Variants in ENTPD1 observed in about 807,000 individuals in gnomAD.
ENTPD1 encodes ATP diphosphohydrolase.
ENTPD1 carries 33 observed loss-of-function variants against 57.0 expected under a neutral mutation model. That is an observed-to-expected ratio of 0.58 (90% CI 0.44 to 0.77). The LOEUF (loss-of-function observed/expected upper bound fraction) is 0.77, where lower values mean the gene tolerates loss of function less well. ENTPD1 is among the 30% of genes least tolerant of loss of function. The pLI is 0.00. For synonymous variants in ENTPD1, 202 were observed against 218.8 expected, an observed-to-expected ratio of 0.92 and a Z score of 0.68; for missense variants, 501 against 603.4, an observed-to-expected ratio of 0.83 and a Z score of 1.78.
chr10:95,703,784 A>T, the ENTPD1 span, among the ~76,000 whole-genome samples: 8 of 6,830 alleles, frequency 1.2e-3, no homozygotes, highest in Non-Finnish European at 3.8e-3. Context: ...TCTGTCTCAA[A>T]AAAAAAAAAA....
intron 2 of ENTPD1, among the ~76,000 whole-genome samples, chr10:95,828,273 C>T (rs989260161): frequency 4.6e-5 from 7 of 152,180 alleles, no homozygotes; most frequent in African/African-American, 1.7e-4. Context: ...TTGCGTGCTC[C>T]TTGTGAGAAT....
chr10:95,858,008 A>C (rs759039466), intron 7 of ENTPD1, among the ~76,000 whole-genome samples: 3 of 152,052 alleles, frequency 2.0e-5, no homozygotes, highest in Non-Finnish European at 4.4e-5. Context: ...AAAAATACAA[A>C]TTAGCCGGGC....
At chr10:95,827,331 T>C (rs548263684) in intron 2 of ENTPD1, among the ~76,000 whole-genome samples, 2 of 152,080 alleles carry the variant, frequency 1.3e-5, no homozygotes, top group South Asian at 2.1e-4. Context: ...GGTAGGCACC[T>C]ATAGTCCCAA....
At chr10:95,710,434 T>G (rs2097964607), upstream of ENTPD1, among the ~76,000 whole-genome samples, 1 of 152,140 alleles carries the variant, frequency 6.6e-6, no homozygotes, top group Admixed American at 6.5e-5. Flanking sequence ...TACTCATGAT[T>G]AAAATAACTA....
At chr10:95,724,720 C>T (rs943227337) in intron 1 of ENTPD1, among the ~76,000 whole-genome samples, 1 of 152,184 alleles carries the variant, frequency 6.6e-6, no homozygotes, top group Non-Finnish European at 1.5e-5. Flanking sequence ...AGTGATGGGT[C>T]TGCGACGGTG....
At chr10:95,858,193 G>A (rs908821631) in intron 7 of ENTPD1, among the ~76,000 whole-genome samples, 1 of 151,456 alleles carries the variant, frequency 6.6e-6, no homozygotes, top group African/African-American at 2.4e-5. Flanking sequence ...GGAGGAAAGA[G>A]ACAGTCCTGT....
Position 95,844,909 on chromosome 10 carries a change from A to C in ENTPD1, c.573+274A>C, listed in dbSNP as rs911725144. 3.5e-5 allele frequency: 18 copies of C among 518,810 alleles called. No individual in the cohort carries two copies. The Admixed American group carries it at 5.4e-4, about 15-fold the overall frequency. 32.1% of individuals were successfully genotyped at this position (518,810 alleles called of 1,614,324 possible). On this transcript the variant is annotated intron_variant, in intron 5 of 9. Coordinates refer to ENST00000371205, the MANE Select transcript of ENTPD1 (RefSeq NM_001776.6). ...AAAATTTATCATTAAAAATTAGAAT[A>C]GCTAACATTTGCCTTCTGCTATGTG...
At chr10:95,853,737 T>C (rs1320834973) in intron 7 of ENTPD1, among the ~76,000 whole-genome samples, 2 of 152,342 alleles carry the variant, frequency 1.3e-5, no homozygotes, top group African/African-American at 2.4e-5. Context: ...ATTACGTTTA[T>C]TGATTTTCGT....
At position 95,868,240 on chromosome 10, in the gene ENTPD1, C is replaced by T. The variant is rs188355227; in HGVS notation, c.*1857C>T. ...TGTACCTAACCTTTATTTTCTTTCC[C>T]GAACATACCAGGCTGTCTCCTCATA... On this transcript the variant is annotated 3_prime_UTR_variant, in exon 10 of 10. Coordinates refer to ENST00000371205, the MANE Select transcript of ENTPD1 (RefSeq NM_001776.6). 8.1e-6 allele frequency: 8 copies of T among 985,438 alleles called. No individual in the cohort carries two copies. Among genetic ancestry groups the T allele is most frequent in the East Asian group, 2.3e-4 (2 of 8,822 alleles). 61.0% of individuals were successfully genotyped at this position (985,438 alleles called of 1,614,324 possible).
At chr10:95,832,737 G>A (rs1474629843) in intron 2 of ENTPD1, among the ~76,000 whole-genome samples, 3 of 152,166 alleles carry the variant, frequency 2.0e-5, no homozygotes, top group East Asian at 1.9e-4. Flanking sequence ...CTTTCTAGCC[G>A]AGACTTTGGG....
At chr10:95,754,616 A>G (rs922066382), upstream of ENTPD1, 3 of 152,204 alleles carry the variant, frequency 2.0e-5, no homozygotes, top group African/African-American at 7.2e-5. Context: ...AAAAAATCCC[A>G]TCATATCACC....
intron 1 of ENTPD1, among the ~76,000 whole-genome samples, chr10:95,762,193 A>G (rs939956610): frequency 6.6e-6 from 1 of 150,516 alleles, no homozygotes; most frequent in African/African-American, 2.5e-5. Flanking sequence ...TTGGTTTAAA[A>G]AAATTTAAAA....
chr10:95,781,668 T>C (rs2098158723), intron 1 of ENTPD1, among the ~76,000 whole-genome samples: 1 of 152,192 alleles, frequency 6.6e-6, no homozygotes, highest in East Asian at 1.9e-4. Flanking sequence ...TGTCAGGTTG[T>C]AGTCTTAAGG....
chr10:95,811,496 TC>T (rs747733180), intron 1 of ENTPD1, among the ~76,000 whole-genome samples: 45 of 152,154 alleles, frequency 3.0e-4, no homozygotes, highest in Non-Finnish European at 1.2e-4. Context: ...AGCAGTCCCC[TC>T]CTGCCTCAGC....
intron 1 of ENTPD1, among the ~76,000 whole-genome samples, chr10:95,800,065 C>T (rs573162724): frequency 6.6e-5 from 10 of 152,236 alleles, no homozygotes; most frequent in African/African-American, 2.4e-4. Context: ...AATTTTCTCC[C>T]ATTCTGTAGG....
At chr10:95,699,994 A>G in the ENTPD1 span, among the ~76,000 whole-genome samples, 2 of 152,224 alleles carry the variant, frequency 1.3e-5, no homozygotes, top group African/African-American at 4.8e-5. Context: ...AAGAAAATAC[A>G]TCGAAGGTCT....
intron 1 of ENTPD1, among the ~76,000 whole-genome samples, chr10:95,777,812 C>T (rs1248541879): frequency 6.6e-6 from 1 of 152,232 alleles, no homozygotes; most frequent in Non-Finnish European, 1.5e-5. Context: ...GGGCTCTGCC[C>T]AGTTCGATCT....
the ENTPD1 span, among the ~76,000 whole-genome samples, chr10:95,700,120 G>A: frequency 2.6e-5 from 4 of 152,158 alleles, no homozygotes; most frequent in African/African-American, 7.2e-5. Flanking sequence ...TAATATAAGA[G>A]AGATTTGAGA....
Position 95,866,622 on chromosome 10 carries a change from T to C in ENTPD1, c.*239T>C. 3 of 1,360,534 alleles carry C rather than the reference T, an allele frequency of 2.2e-6. No homozygotes were observed. The highest frequency in any genetic ancestry group is 1.9e-6 in the Non-Finnish European group (2 of 1,054,204). The allele number at this position is 1,360,534 out of a possible 1,614,324, so 84.3% of individuals were successfully genotyped here. A position where few individuals can be genotyped will look rare whatever the true frequency, so the allele number is the denominator to read the frequency against. ...TTTTTCCCAGCTACACCTTTCTCCT[T>C]TGTACTTTGTGCTTGTATAGGTTTT... On this transcript the variant is annotated 3_prime_UTR_variant, in exon 10 of 10. Coordinates refer to ENST00000371205, the MANE Select transcript of ENTPD1 (RefSeq NM_001776.6).
Sources: allele counts gnomAD v4.1 joint callset (sites outside exome capture counted in the v4.1 genomes callset), GRCh38; gene constraint gnomAD v4.1.1; transcripts MANE v1.5; gene names NCBI Gene and HGNC (gene_info 2026-07-23, HGNC 2026-07-21).